Variants in EIF3H observed in about 807,000 individuals in gnomAD.
The protein encoded by EIF3H is eukaryotic translation initiation factor 3 subunit H.
Under a neutral mutation model 44.2 loss-of-function variants are expected in EIF3H, and 26 were observed. The ratio of observed to expected loss-of-function variants is 0.59; its 90% CI spans 0.43 to 0.82. The LOEUF (loss-of-function observed/expected upper bound fraction) is 0.82. Ranked by LOEUF, EIF3H falls within the 40% of genes least tolerant of loss-of-function variation. The pLI is 0.00. For synonymous variants in EIF3H, 166 were observed against 151.9 expected (o/e 1.09, Z -0.68); for missense variants, 359 against 432.8 (o/e 0.83, Z 1.51).
chr8:116,752,683 A>AGAAG (rs1815363057), intron 1 of EIF3H, among the ~76,000 whole-genome samples: 1 of 112,942 alleles, frequency 8.9e-6, no homozygotes, highest in African/African-American at 3.3e-5. Flanking sequence ...AAAGAAAGAA[A>AGAAG]GAAAGAAAGA....
chr8:116,763,816 TAAAC>T (rs916689518), intron 1 of EIF3H, among the ~76,000 whole-genome samples: 12 of 152,302 alleles, frequency 7.9e-5, no homozygotes, highest in Non-Finnish European at 1.5e-4. Context: ...TTTACGAAAT[TAAAC>T]AAAATTATAC....
chr8:116,709,671 C>T (rs1401972549), intron 2 of EIF3H, among the ~76,000 whole-genome samples: 4 of 152,112 alleles, frequency 2.6e-5, no homozygotes, highest in Non-Finnish European at 5.9e-5. Flanking sequence ...TAGCTCTTGT[C>T]TTTAAGTAGT....
chr8:116,750,455 T>G (rs1815312917), intron 1 of EIF3H, among the ~76,000 whole-genome samples: 1 of 144,652 alleles, frequency 6.9e-6, no homozygotes, highest in African/African-American at 2.5e-5. Context: ...TGTCGCCCAA[T>G]CTGGAGTGCA....
intron 1 of EIF3H, among the ~76,000 whole-genome samples, chr8:116,755,151 T>C (rs1815418361): frequency 6.6e-6 from 1 of 152,200 alleles, no homozygotes; most frequent in East Asian, 1.9e-4. Context: ...TTTATGTTTT[T>C]CAGAATGAAC....
At chr8:116,722,795 AAC>A (rs1336516410) in intron 2 of EIF3H, among the ~76,000 whole-genome samples, 2 of 152,190 alleles carry the variant, frequency 1.3e-5, no homozygotes, top group African/African-American at 2.4e-5. Flanking sequence ...TGTAAATCCA[AAC>A]ACACAGTTAT....
intron 5 of EIF3H, among the ~76,000 whole-genome samples, chr8:116,649,393 T>C (rs893281353): frequency 5.3e-5 from 8 of 152,194 alleles, no homozygotes; most frequent in African/African-American, 1.7e-4. Flanking sequence ...GTAACATTTA[T>C]TCTACAAAAC....
At chr8:116,738,443 G>A (rs776613840) in intron 1 of EIF3H, among the ~76,000 whole-genome samples, 1 of 152,166 alleles carries the variant, frequency 6.6e-6, no homozygotes, top group African/African-American at 2.4e-5. Context: ...CTTCAACTCT[G>A]TGAATATCAC....
At chr8:116,678,872 C>T in intron 2 of EIF3H, among the ~76,000 whole-genome samples, 1 of 135,506 alleles carries the variant, frequency 7.4e-6, no homozygotes, top group African/African-American at 2.7e-5. Context: ...GGGGGGGGGT[C>T]AGCCCCCCGC....
intron 1 of EIF3H, among the ~76,000 whole-genome samples, chr8:116,734,900 A>T (rs1815008313): frequency 5.3e-5 from 8 of 152,204 alleles, no homozygotes; most frequent in Admixed American, 5.2e-4. Context: ...GTAATTCAAA[A>T]CTACCAATTT....
intron 2 of EIF3H, among the ~76,000 whole-genome samples, chr8:116,693,431 A>C (rs1814213834): frequency 6.6e-6 from 1 of 152,190 alleles, no homozygotes; most frequent in Admixed American, 6.5e-5. Context: ...CAAATAGAGA[A>C]ACACACTGCT....
At chr8:116,743,808 ACACACACACACAC>A (rs1815181355) in intron 1 of EIF3H, among the ~76,000 whole-genome samples, 3 of 86,032 alleles carry the variant, frequency 3.5e-5, no homozygotes, top group African/African-American at 2.4e-4. Flanking sequence ...AAACACACAC[ACACACACACACAC>A]ACACACACAC....
intron 1 of EIF3H, among the ~76,000 whole-genome samples, chr8:116,732,778 G>T (rs1361223688): frequency 6.6e-6 from 1 of 152,110 alleles, no homozygotes; most frequent in Admixed American, 6.5e-5. Context: ...CTTTCATGGG[G>T]CTCATATTTT....
intron 2 of EIF3H, among the ~76,000 whole-genome samples, chr8:116,712,436 A>G (rs1814589132): frequency 6.6e-6 from 1 of 152,220 alleles, no homozygotes; most frequent in Non-Finnish European, 1.5e-5. Flanking sequence ...ATATGTATAT[A>G]AGGGTAAGGA....
rs577849799 is a variant in EIF3H at position 116,655,159 on chromosome 8, T to C, written c.707+697A>G. Reference sequence around the variant, plus strand: ...AAGAGGAGCTATACATGTGGCTCTATTCACATTTCTGTTAAGAGTAATAGA... The same window carrying C: ...AAGAGGAGCTATACATGTGGCTCTACTCACATTTCTGTTAAGAGTAATAGA... On this transcript the variant is annotated intron_variant, in intron 5 of 7. Transcript: ENST00000521861. 2.0e-3 allele frequency among the ~76,000 whole-genome samples: 298 copies of C among 152,092 alleles called. 1 individual carries two copies. The highest frequency in any genetic ancestry group is 6.7e-3 in the African/African-American group (279 of 41,478).
intron 2 of EIF3H, chr8:116,689,216 T>C (rs1814131770): frequency 2.0e-5 from 7 of 356,754 alleles, no homozygotes; most frequent in Non-Finnish European, 3.5e-5. Context: ...ACATGAGTTA[T>C]CTAGAAAGGG....
Position 116,753,971 on chromosome 8 carries a change from A to T in EIF3H, c.132+1695T>A, listed in dbSNP as rs537152188. On this transcript the variant is annotated intron_variant, in intron 1 of 7. Transcript: ENST00000521861. ...TTTCCCAAGTGCATAAGTGGTACTT[A>T]TTTTAACAAGTGTAATCTAAGTCCA... Among the ~76,000 whole-genome samples, 3 of 152,284 alleles carry T rather than the reference A, an allele frequency of 2.0e-5. No individual in the cohort carries two copies. In the East Asian group the frequency reaches 5.8e-4, roughly 29 times the overall value.
intron 2 of EIF3H, among the ~76,000 whole-genome samples, chr8:116,707,600 T>C (rs1814492849): frequency 1.3e-5 from 2 of 152,158 alleles, no homozygotes; most frequent in South Asian, 2.1e-4. Context: ...CCCTAAAACA[T>C]GAGTGTACTC....
At chr8:116,738,415 CTT>C (rs1235175233) in intron 1 of EIF3H, among the ~76,000 whole-genome samples, 2 of 152,206 alleles carry the variant, frequency 1.3e-5, no homozygotes, top group African/African-American at 4.8e-5. Flanking sequence ...ATTCTCATCT[CTT>C]GTTAACCTGA....
At chr8:116,751,699 T>C (rs561347678) in intron 1 of EIF3H, among the ~76,000 whole-genome samples, 4 of 152,360 alleles carry the variant, frequency 2.6e-5, no homozygotes, top group Admixed American at 6.5e-5. Context: ...TATAAATATT[T>C]AAAGCCGTGA....
Sources: allele counts gnomAD v4.1 joint callset (sites outside exome capture counted in the v4.1 genomes callset), GRCh38; gene constraint gnomAD v4.1.1; transcripts MANE v1.5; gene names NCBI Gene and HGNC (gene_info 2026-07-23, HGNC 2026-07-21).